Variants in CTNNA2 observed in about 807,000 individuals in gnomAD.
CTNNA2 encodes the protein catenin alpha 2.
CTNNA2 carries 42 observed loss-of-function variants against 101.0 expected under a neutral mutation model. The observed-to-expected ratio is 0.42, with a 90% CI of 0.32 to 0.54. The LOEUF (loss-of-function observed/expected upper bound fraction) is 0.54, where lower values mean the gene tolerates loss of function less well. Ranked by LOEUF, CTNNA2 falls within the 20% of genes least tolerant of loss-of-function variation. The pLI is 0.14. For missense variants in CTNNA2, 871 were observed against 1,223.1 expected (o/e 0.71, Z 4.29); for synonymous variants, 450 against 456.4 (o/e 0.99, Z 0.18).
rs183914100 is a variant in CTNNA2 at position 79,218,531 on chromosome 2, G to A, written c.-406+20455G>A. ...TGAAAAAAGAATGTTTGTGAGTTAAGGAGTAGCAGTAGGGACTCGGAAGAG... is the reference window on the plus strand; with the variant it reads ...TGAAAAAAGAATGTTTGTGAGTTAAAGAGTAGCAGTAGGGACTCGGAAGAG... On this transcript the variant is annotated intron_variant, in intron 2 of 21. Coordinates refer to the CTNNA2 transcript ENST00000466387. Among the ~76,000 whole-genome samples, 90 of 152,188 alleles carry A rather than the reference G, an allele frequency of 5.9e-4. 1 individual carries two copies. The Middle Eastern group carries it at 0.014, about 23-fold the overall frequency.
Position 79,818,914 on chromosome 2 carries a change from CACACACAT to C in CTNNA2, c.299-39091_299-39084del, listed in dbSNP as rs1268036426. On this transcript the variant is annotated intron_variant, in intron 3 of 18. Transcript: ENST00000402739. ...CTAATAGCACACACACACACACACA[CACACACAT>C]ACACACAAAAGTATTGCTTTATCCC... Among the ~76,000 whole-genome samples, 6 of 134,400 alleles carry C rather than the reference CACACACAT, an allele frequency of 4.5e-5. No homozygotes were observed. The South Asian group carries it at 7.1e-4, about 16-fold the overall frequency. 88.2% of individuals were successfully genotyped at this position (134,400 alleles called of 152,430 possible).
chr2:80,593,950 A>C (rs1300777000), intron 15 of CTNNA2, among the ~76,000 whole-genome samples: 1 of 152,134 alleles, frequency 6.6e-6, no homozygotes, highest in Non-Finnish European at 1.5e-5. Context: ...TGAGTGTATA[A>C]GTATGTAAGT....
At chr2:80,406,317 A>G (rs996568324) in intron 8 of CTNNA2, among the ~76,000 whole-genome samples, 17 of 146,916 alleles carry the variant, frequency 1.2e-4, no homozygotes, top group African/African-American at 4.3e-4. Flanking sequence ...CTGGGCGACA[A>G]GAGCAAAACT....
intron 4 of CTNNA2, among the ~76,000 whole-genome samples, chr2:79,377,627 T>C (rs903774541): frequency 2.0e-5 from 3 of 152,138 alleles, no homozygotes; most frequent in African/African-American, 7.2e-5. Context: ...CTTTCCAGAA[T>C]AATAGTGGTA....
chr2:79,943,239 C>A (rs1256093185), intron 7 of CTNNA2, among the ~76,000 whole-genome samples: 1 of 151,882 alleles, frequency 6.6e-6, no homozygotes, highest in Non-Finnish European at 1.5e-5. Context: ...TCATTCAGAA[C>A]ACTTAGTTCA....
intron 2 of CTNNA2, among the ~76,000 whole-genome samples, chr2:79,293,981 T>C (rs984770535): frequency 6.6e-6 from 1 of 152,030 alleles, no homozygotes; most frequent in Non-Finnish European, 1.5e-5. Flanking sequence ...TAGAATGGAA[T>C]GAAATAAAGT....
At chr2:79,347,895 T>C (rs191553435) in intron 3 of CTNNA2, among the ~76,000 whole-genome samples, 35 of 150,724 alleles carry the variant, frequency 2.3e-4, no homozygotes, top group African/African-American at 6.3e-4. Flanking sequence ...AATCTAGATA[T>C]ACCCCTTTAT....
intron 7 of CTNNA2, among the ~76,000 whole-genome samples, chr2:80,306,411 TC>T (rs1558989847): frequency 8.9e-5 from 12 of 134,114 alleles, no homozygotes; most frequent in Admixed American, 6.9e-4. Flanking sequence ...TTTCTTTCTT[TC>T]TTTCTTTCTT....
chr2:79,726,002 G>A lies in CTNNA2; in HGVS notation c.103-18385G>A, dbSNP rs535498646. Among the ~76,000 whole-genome samples the A allele has an allele frequency of 1.1e-4, 16 of 152,274 alleles. No individual in the cohort carries two copies. In the East Asian group the frequency reaches 2.9e-3, roughly 28 times the overall value. On this transcript the variant is annotated intron_variant, in intron 2 of 18. Coordinates refer to ENST00000402739, the MANE Select transcript of CTNNA2 (RefSeq NM_001282597.3). The stretch of plus-strand genomic sequence containing the variant: ...ATGTCCAAATACAGGGTGTGAGATT[G>A]AGCTAATTTGGATTTAGGCACATCG...
intron 2 of CTNNA2, among the ~76,000 whole-genome samples, chr2:79,692,301 A>C (rs1044782788): frequency 2.0e-5 from 3 of 152,218 alleles, no homozygotes; most frequent in Non-Finnish European, 4.4e-5. Flanking sequence ...AGAGAAATGC[A>C]AATCAAAACC....
intron 7 of CTNNA2, among the ~76,000 whole-genome samples, chr2:80,268,261 C>A (rs577389439): frequency 6.6e-6 from 1 of 152,336 alleles, no homozygotes; most frequent in African/African-American, 2.4e-5. Flanking sequence ...TGGGTACCGG[C>A]TGGACGGGTG....
intron 7 of CTNNA2, among the ~76,000 whole-genome samples, chr2:80,258,493 G>A (rs536417902): frequency 1.3e-5 from 2 of 152,248 alleles, no homozygotes; most frequent in South Asian, 4.1e-4. Flanking sequence ...GAGGGGCATG[G>A]CAAAGTGTGG....
chr2:79,592,304 G>T (rs1323198550), intron 1 of CTNNA2, among the ~76,000 whole-genome samples: 2 of 151,270 alleles, frequency 1.3e-5, no homozygotes, highest in Non-Finnish European at 2.9e-5. Flanking sequence ...TTTTAATTTT[G>T]TATTTTTAGT....
chr2:80,466,946 T>C (rs905921245), intron 9 of CTNNA2, among the ~76,000 whole-genome samples: 1 of 152,222 alleles, frequency 6.6e-6, no homozygotes, highest in Non-Finnish European at 1.5e-5. Flanking sequence ...ACCAGGTACG[T>C]GTAAGCTACA....
rs1259816438 is a variant in CTNNA2, at chr2:80,302,359, T to C, written c.1057-90852T>C. On this transcript the variant is annotated intron_variant, in intron 7 of 18. Coordinates refer to ENST00000402739, the MANE Select transcript of CTNNA2 (RefSeq NM_001282597.3). This position sits in a 1 kb window ranked among gnomAD's most constrained non-coding sequence, Gnocchi z 6.4. ...GGTTCGGTTTGTAATCAACGTAGTA[T>C]TCCTGGGCAGACATGGCAGCCATCT... The C allele has an allele frequency of 1.9e-6, 3 of 1,614,122 alleles. No homozygotes were observed. The highest frequency in any genetic ancestry group is 8.5e-7 in the Non-Finnish European group (1 of 1,180,044).
At chr2:79,788,623 GCATGCATACATGTCCA>G (rs1399327379) in intron 3 of CTNNA2, among the ~76,000 whole-genome samples, 2 of 152,152 alleles carry the variant, frequency 1.3e-5, no homozygotes, top group Non-Finnish European at 2.9e-5. Flanking sequence ...GTGGTTGCAT[GCATGCATACATGTCCA>G]CATGCATACA....
chr2:79,664,017 T>G (rs973118982), intron 2 of CTNNA2, among the ~76,000 whole-genome samples: 2 of 152,220 alleles, frequency 1.3e-5, no homozygotes, highest in East Asian at 3.8e-4. Flanking sequence ...CAATTGTTTA[T>G]TGTGCATTTT....
chr2:80,481,364 G>A (rs959462186), intron 9 of CTNNA2, among the ~76,000 whole-genome samples: 3 of 152,196 alleles, frequency 2.0e-5, no homozygotes, highest in Non-Finnish European at 2.9e-5. Context: ...GTAAAATGGT[G>A]ATAATAATAG....
chr2:80,610,941 C>T (rs56120604), intron 17 of CTNNA2, among the ~76,000 whole-genome samples: 3 of 151,266 alleles, frequency 2.0e-5, no homozygotes, highest in Non-Finnish European at 4.4e-5. Context: ...GGATGTGTTT[C>T]TGTGTATGCT....
Sources: allele counts gnomAD v4.1 joint callset (sites outside exome capture counted in the v4.1 genomes callset), GRCh38; gene constraint gnomAD v4.1.1; non-coding constraint Gnocchi (gnomAD v3.1); transcripts MANE v1.5; gene names NCBI Gene and HGNC (gene_info 2026-07-23, HGNC 2026-07-21).